The following SPTB variants were observed in gnomAD, a reference collection of about 807,000 sequenced individuals.
SPTB encodes the protein spectrin beta, erythrocytic.
In SPTB, 45 loss-of-function variants were observed where a neutral mutation model predicts 256.2. That is an observed-to-expected ratio of 0.18 (90% CI 0.14 to 0.23). SPTB has a LOEUF of 0.23. Ranked by LOEUF, SPTB falls within the 10% of genes least tolerant of loss-of-function variation. SPTB has a pLI of 1.00. For synonymous variants in SPTB, 1,231 were observed against 1,243.1 expected, an observed-to-expected ratio of 0.99 and a Z score of 0.21; for missense variants, 2,715 against 3,040.4, an observed-to-expected ratio of 0.89 and a Z score of 2.52.
chr14:64,805,011 G>C lies in SPTB; in HGVS notation c.228C>G (p.Thr76=), dbSNP rs748108358. 5.6e-6 allele frequency: 9 copies of C among 1,614,006 alleles called. No homozygotes were observed. The Admixed American group carries it at 1.5e-4, about 27-fold the overall frequency. ...SHLARVSCRI[T]DLYKDLRDGR... Reference sequence around the variant, plus strand: ...CATCCCGCAGGTCCTTGTAGAGATCGGTGATGCGGCAGGACACTCGAGCCA... The same window carrying C: ...CATCCCGCAGGTCCTTGTAGAGATCCGTGATGCGGCAGGACACTCGAGCCA... The change falls in exon 3 of 36, where the codon ACC becomes ACG. Residue 76 remains threonine, a synonymous_variant. Transcript: ENST00000644917.
intron 32 of SPTB, chr14:64,763,694 C>T (rs2082124821): frequency 7.7e-6 from 4 of 516,938 alleles, no homozygotes; most frequent in African/African-American, 1.9e-5. Flanking sequence ...CTGACTTCCC[C>T]TCCAGCAGTT....
intron 4 of SPTB, among the ~76,000 whole-genome samples, chr14:64,803,103 C>T (rs954269878): frequency 3.9e-5 from 6 of 152,124 alleles, no homozygotes; most frequent in Non-Finnish European, 5.9e-5. Flanking sequence ...CCTCCTTGGG[C>T]AAGGTTCTTT....
chr14:64,805,178 G>C (rs988084990), intron 2 of SPTB, 88 bp from the exon 3 acceptor site: 1 of 1,473,488 alleles, frequency 6.8e-7, no homozygotes, highest in African/African-American at 1.4e-5. Context: ...TTAAGCCCAG[G>C]GTACCCCCAT....
At position 64,811,984 on chromosome 14, in the gene SPTB, C is replaced by T. The variant is rs532461064; in HGVS notation, c.149-6894G>A. On this transcript the variant is annotated intron_variant, in intron 2 of 35. Transcript: ENST00000644917. ...AGTAATTCCACTTCTAGGAATTTATCCTACAGATCTATTCATACACTGGTA... is the reference window on the plus strand; with the variant it reads ...AGTAATTCCACTTCTAGGAATTTATTCTACAGATCTATTCATACACTGGTA... Among the ~76,000 whole-genome samples the T allele has an allele frequency of 3.9e-5, 6 of 152,294 alleles. No homozygotes were observed. The South Asian group carries it at 1.2e-3, about 32-fold the overall frequency.
At chr14:64,750,483 A>AT (rs1199872189) in intron 33 of SPTB, among the ~76,000 whole-genome samples, 4 of 151,998 alleles carry the variant, frequency 2.6e-5, no homozygotes, top group Non-Finnish European at 5.9e-5. Context: ...ATCCTCAAAT[A>AT]TTTCTTTTTT....
At chr14:64,750,396 C>A in intron 33 of SPTB, 1 of 496,116 alleles carries the variant, frequency 2.0e-6, no homozygotes, top group Non-Finnish European at 3.5e-6. Context: ...TCACAGATAG[C>A]TAAAACTGGG....
intron 5 of SPTB, 34 bp from the exon 6 acceptor site, chr14:64,801,868 T>C (rs1377714842): frequency 6.3e-7 from 1 of 1,598,884 alleles, no homozygotes; most frequent in Non-Finnish European, 8.6e-7. Context: ...AGCTAAGAAT[T>C]AGATTTTTTG....
At chr14:64,843,270 A>G (rs2083636253) in intron 1 of SPTB, among the ~76,000 whole-genome samples, 1 of 152,210 alleles carries the variant, frequency 6.6e-6, no homozygotes, top group Non-Finnish European at 1.5e-5. Flanking sequence ...AGGAGAAGAC[A>G]CGCAGAGGCA....
chr14:64,802,140 G>T lies in SPTB; in HGVS notation c.566+86C>A. The T allele has an allele frequency of 7.8e-7, 1 of 1,277,122 alleles. No homozygotes were observed. 79.1% of individuals were successfully genotyped at this position (1,277,122 alleles called of 1,614,324 possible). Reference sequence around the variant, plus strand: ...GGCAGCTGTAGTTCTGGGTGATGATGTCTAATGTCCCTCTGGAGATGGCAG... The same window carrying T: ...GGCAGCTGTAGTTCTGGGTGATGATTTCTAATGTCCCTCTGGAGATGGCAG... On this transcript the variant is annotated intron_variant, in intron 5 of 35. Coordinates refer to ENST00000644917, the MANE Select transcript of SPTB (RefSeq NM_001355436.2). This position sits in a 1 kb window ranked among gnomAD's most constrained non-coding sequence, Gnocchi z 5.1.
rs1027953914 is a variant in SPTB, at chr14:64,806,168, G to T, written c.149-1078C>A. Among the ~76,000 whole-genome samples, 1 of 151,808 alleles carries T rather than the reference G, an allele frequency of 6.6e-6. No homozygotes were observed. The highest frequency in any genetic ancestry group is 1.5e-5 in the Non-Finnish European group (1 of 67,962). ...GAGAAAAGGATAGAGGAGGGGAGAA[G>T]GAGAAAAAAAGAAAAGTAGCAGAAA... is the stretch of plus-strand genomic sequence containing the variant. On this transcript the variant is annotated intron_variant, in intron 2 of 35. Coordinates refer to ENST00000644917, the MANE Select transcript of SPTB (RefSeq NM_001355436.2). The surrounding 1 kb of genome is among the most constrained non-coding windows in gnomAD (Gnocchi z 4.1).
In SPTB at chr14:64,822,070, G is replaced by A. The variant is rs1015952594; in HGVS notation, c.148+877C>T. 5.3e-5 allele frequency among the ~76,000 whole-genome samples: 8 copies of A among 151,952 alleles called. No homozygotes were observed. The South Asian group carries it at 1.7e-3, about 32-fold the overall frequency. On this transcript the variant is annotated intron_variant, in intron 2 of 35. Coordinates refer to ENST00000644917, the MANE Select transcript of SPTB (RefSeq NM_001355436.2). ...TACTCTTCTTAGGAGGTGGAAGACG[G>A]CAACAGTCAATGATAGGGAAACAGG...
rs534743034 is a variant in SPTB, at chr14:64,800,070, G to A, written c.877-136C>T. The A allele has an allele frequency of 7.3e-6, 8 of 1,095,482 alleles. No individual in the cohort carries two copies. The South Asian group carries it at 1.0e-4, about 14-fold the overall frequency. 67.9% of individuals were successfully genotyped at this position (1,095,482 alleles called of 1,614,324 possible). ...CCCTGGAGTGCTCTAGGCTGGGTTTGTTCCCTGAGCCCAAGTGTGCTGGTA... is the reference window on the plus strand; with the variant it reads ...CCCTGGAGTGCTCTAGGCTGGGTTTATTCCCTGAGCCCAAGTGTGCTGGTA... On this transcript the variant is annotated intron_variant, in intron 8 of 35. Transcript: ENST00000644917.
intron 10 of SPTB, among the ~76,000 whole-genome samples, chr14:64,797,515 G>A (rs1195459572): frequency 7.1e-6 from 1 of 139,900 alleles, no homozygotes; most frequent in Admixed American, 7.3e-5. Context: ...ACTCAGGGAT[G>A]CAGGGCATCT....
Position 64,841,106 on chromosome 14 carries a change from G to C in SPTB, c.-51-17961C>G, listed in dbSNP as rs61508277. 0.024 allele frequency among the ~76,000 whole-genome samples: 3,724 copies of C among 152,256 alleles called. 152 individuals carry two copies. The highest frequency in any genetic ancestry group is 0.084 in the African/African-American group (3,498 of 41,528). The stretch of plus-strand genomic sequence containing the variant: ...TTTATTGAGAGTTTACCTTGTGCCT[G>C]GCATTGGATTTTGTAAACCCCATTA... On this transcript the variant is annotated intron_variant, in intron 1 of 35. Coordinates refer to ENST00000644917, the MANE Select transcript of SPTB (RefSeq NM_001355436.2). This position sits in a 1 kb window ranked among gnomAD's most constrained non-coding sequence, Gnocchi z 4.6.
At chr14:64,811,615 C>G (rs2083092423) in intron 2 of SPTB, among the ~76,000 whole-genome samples, 1 of 152,154 alleles carries the variant, frequency 6.6e-6, no homozygotes, top group Admixed American at 6.5e-5. Flanking sequence ...TTTACTTTAA[C>G]AATGCTTCAA....
rs1399629199 is a variant in SPTB at position 64,795,529 on chromosome 14, C to A, written c.1452G>T (p.Leu484=). 1 of 1,614,066 alleles carries A rather than the reference C, an allele frequency of 6.2e-7. No homozygotes were observed. The highest frequency in any genetic ancestry group is 1.3e-5 in the African/African-American group (1 of 74,918). ...YEERVRALED[L]AQELEKENYH... Reference sequence around the variant, plus strand: ...AGTTCTCTTTCTCCAGCTCCTGAGCCAGGTCCTCCAGGGCTCTCACCCGCT... The same window carrying A: ...AGTTCTCTTTCTCCAGCTCCTGAGCAAGGTCCTCCAGGGCTCTCACCCGCT... Residue 484 remains leucine, a synonymous_variant, in exon 12 of 36, where the codon CTG becomes CTT. Coordinates refer to ENST00000644917, the MANE Select transcript of SPTB (RefSeq NM_001355436.2). The surrounding 1 kb of genome is among the most constrained non-coding windows in gnomAD (Gnocchi z 6.5).
intron 2 of SPTB, among the ~76,000 whole-genome samples, chr14:64,815,033 T>A (rs2083164319): frequency 6.6e-6 from 1 of 151,980 alleles, no homozygotes; most frequent in Admixed American, 6.6e-5. Flanking sequence ...TGTGTGTGCA[T>A]GTAAGCAGGT....
intron 23 of SPTB, 103 bp from the exon 24 acceptor site, chr14:64,774,630 G>A (rs2082330373): frequency 1.3e-6 from 2 of 1,510,766 alleles, no homozygotes; most frequent in Admixed American, 2.0e-5. Context: ...GAGGAGGGGA[G>A]TAGGCTTGTG....
chr14:64,769,818 C>T, intron 27 of SPTB, 90 bp from the exon 28 acceptor site: 1 of 1,565,374 alleles, frequency 6.4e-7, no homozygotes, highest in Non-Finnish European at 8.8e-7. Context: ...CCTCCCCCTG[C>T]CTGTGGGAGT....
Sources: gnomAD v4.1 joint callset for allele counts (sites outside exome capture counted in the v4.1 genomes callset) on GRCh38, gnomAD v4.1.1 for gene constraint, Gnocchi (gnomAD v3.1) non-coding constraint, MANE v1.5 for transcripts, NCBI Gene and HGNC (gene_info 2026-07-23, HGNC 2026-07-21) for gene names.